RBP7: variants seen among roughly 807,000 people sequenced by gnomAD.
RBP7 encodes the protein retinoid-binding protein 7.
A neutral mutation model predicts 16.7 loss-of-function variants in RBP7; 13 were observed. That is an observed-to-expected ratio of 0.78 (90% confidence interval 0.51 to 1.24). The LOEUF (loss-of-function observed/expected upper bound fraction) is 1.24, where lower values mean the gene tolerates loss of function less well. Among genes scored for constraint, RBP7 ranks in the 50% most tolerant of loss-of-function variants. The probability of loss-of-function intolerance (pLI) is 0.00; values close to 1 mark genes in which losing one functional copy is unlikely to be tolerated. For missense variants in RBP7, 145 were observed against 159.5 expected, an observed-to-expected ratio of 0.91 and a Z score of 0.49; for synonymous variants, 54 against 56.2, an observed-to-expected ratio of 0.96 and a Z score of 0.17.
At chr1:10,008,891 T>G (rs1421988707) in intron 3 of RBP7, among the ~76,000 whole-genome samples, 1 of 152,196 alleles carries the variant, frequency 6.6e-6, no homozygotes, top group Non-Finnish European at 1.5e-5. Flanking sequence ...ACCTATTATA[T>G]GTAATAGCTA....
chr1:9,997,309 C>T lies in RBP7; in HGVS notation c.51C>T (p.Phe17=). 1.9e-6 allele frequency: 3 copies of T among 1,611,460 alleles called. No homozygotes were observed. The highest frequency in any genetic ancestry group is 2.5e-6 in the Non-Finnish European group (3 of 1,179,134). The stretch of plus-strand genomic sequence containing the variant: ...GGACCCTGCTCAGCAGCGACAACTT[C>T]GAGGGCTACATGCTGGCCCTAGGTA... ...GTWTLLSSDN[F]EGYMLALGID... Residue 17 remains phenylalanine, a synonymous_variant, in exon 1 of 4, where the codon TTC becomes TTT. Transcript: ENST00000294435. This position sits in a 1 kb window ranked among gnomAD's most constrained non-coding sequence, Gnocchi z 5.9.
chr1:10,012,618 C>A (rs1483179739), intron 3 of RBP7, among the ~76,000 whole-genome samples: 1 of 139,268 alleles, frequency 7.2e-6, no homozygotes, highest in Non-Finnish European at 1.5e-5. Flanking sequence ...GTAGGACTAG[C>A]CTGTCTTTAA....
chr1:10,015,736 C>T, intron 3 of RBP7, 46 bp from the exon 4 acceptor site: 1 of 1,521,216 alleles, frequency 6.6e-7, no homozygotes, highest in Non-Finnish European at 9.1e-7. Flanking sequence ...AAAAACAGAC[C>T]ACATGCAAAC....
Position 10,015,987 on chromosome 1 carries a change from A to G in RBP7, c.*155A>G. The G allele has an allele frequency of 1.6e-6, 1 of 636,428 alleles. No homozygotes were observed. Among genetic ancestry groups the G allele is most frequent in the Non-Finnish European group, 2.8e-6 (1 of 359,236 alleles). The allele number at this position is 636,428 out of a possible 1,614,324, so 39.4% of individuals were successfully genotyped here. On this transcript the variant is annotated 3_prime_UTR_variant, in exon 4 of 4. Transcript: ENST00000294435. ...ACCTGAAGTCATCTAGATTATGGGG[A>G]AACTGCTCAGCTTCAATAAACCTGT...
chr1:10,007,903 A>AG (rs926736062), intron 2 of RBP7, among the ~76,000 whole-genome samples, 155 bp downstream of exon 2: 3 of 151,884 alleles, frequency 2.0e-5, no homozygotes, highest in African/African-American at 4.8e-5. Flanking sequence ...TTCAAAAAGT[A>AG]GGGGGGCGTG....
At chr1:10,009,141 G>A (rs1246496183) in intron 3 of RBP7, among the ~76,000 whole-genome samples, 1 of 152,160 alleles carries the variant, frequency 6.6e-6, no homozygotes, top group Non-Finnish European at 1.5e-5. Flanking sequence ...ACTGGGCGAG[G>A]TGGCTCACGC....
At chr1:10,005,984 G>C (rs1164606682) in intron 1 of RBP7, among the ~76,000 whole-genome samples, 1 of 152,162 alleles carries the variant, frequency 6.6e-6, no homozygotes, top group Admixed American at 6.6e-5. Context: ...GAGTCCCAGG[G>C]CTCCCTGGAT....
chr1:10,009,229 G>C (rs1642537140), intron 3 of RBP7, among the ~76,000 whole-genome samples: 1 of 151,954 alleles, frequency 6.6e-6, no homozygotes, highest in Admixed American at 6.6e-5. Flanking sequence ...GGCCAACATG[G>C]TGAAACCCCG....
intron 1 of RBP7, chr1:10,007,126 A>G: frequency 3.1e-6 from 1 of 325,490 alleles, no homozygotes; most frequent in Non-Finnish European, 6.0e-6. Context: ...TTGTATTTTT[A>G]GTAGAGATGG....
intron 1 of RBP7, among the ~76,000 whole-genome samples, chr1:9,999,854 A>G (rs1177510773): frequency 2.5e-5 from 3 of 120,126 alleles, no homozygotes; most frequent in Admixed American, 2.2e-4. Context: ...GTCTGGCTCT[A>G]TTGCCTAGGC....
In RBP7 at chr1:9,997,306, C is replaced by A; in HGVS notation, c.48C>A (p.Asn16Lys). ...CTTGGACCCTGCTCAGCAGCGACAACTTCGAGGGCTACATGCTGGCCCTAG... is the reference window on the plus strand; with the variant it reads ...CTTGGACCCTGCTCAGCAGCGACAAATTCGAGGGCTACATGCTGGCCCTAG... ...SGTWTLLSSD[N>K]FEGYMLALGI... The change falls in exon 1 of 4, where the codon AAC becomes AAA. Residue 16 changes from asparagine to lysine, a missense_variant. Transcript: ENST00000294435. This position sits in a 1 kb window ranked among gnomAD's most constrained non-coding sequence, Gnocchi z 5.9. 1.2e-6 allele frequency: 2 copies of A among 1,611,552 alleles called. No individual in the cohort carries two copies. The highest frequency in any genetic ancestry group is 1.7e-6 in the Non-Finnish European group (2 of 1,179,184).
chr1:10,015,993 C>A lies in RBP7; in HGVS notation c.*161C>A. 1 of 624,930 alleles carries A rather than the reference C, an allele frequency of 1.6e-6. No individual in the cohort carries two copies. The highest frequency in any genetic ancestry group is 2.8e-6 in the Non-Finnish European group (1 of 351,824). The allele number at this position is 624,930 out of a possible 1,614,324, so 38.7% of individuals were successfully genotyped here. ...AGTCATCTAGATTATGGGGAAACTG[C>A]TCAGCTTCAATAAACCTGTCCAAAT... On this transcript the variant is annotated 3_prime_UTR_variant, in exon 4 of 4. Transcript: ENST00000294435.
intron 1 of RBP7, among the ~76,000 whole-genome samples, chr1:9,999,453 T>G (rs1386165263): frequency 6.6e-6 from 1 of 152,104 alleles, no homozygotes; most frequent in Non-Finnish European, 1.5e-5. Context: ...TTTGGGAGGC[T>G]GAGGCAGGAG....
rs760590962 is a variant in RBP7 at position 10,005,078 on chromosome 1, T to C, written c.74-2492T>C. On this transcript the variant is annotated intron_variant, in intron 1 of 3. Coordinates refer to ENST00000294435, the MANE Select transcript of RBP7 (RefSeq NM_052960.3). ...AATATTGTTGAAAACCAGTAAAGCC[T>C]GGATCATATTGCATCTCAAACTAAA... Among the ~76,000 whole-genome samples, 8 of 152,190 alleles carry C rather than the reference T, an allele frequency of 5.3e-5. 1 individual carries two copies. Among genetic ancestry groups the C allele is most frequent in the Non-Finnish European group, 1.0e-4 (7 of 68,034 alleles).
At position 9,997,939 on chromosome 1, in the gene RBP7, C is replaced by T. The variant is rs747846261; in HGVS notation, c.73+608C>T. 8.3e-4 allele frequency among the ~76,000 whole-genome samples: 127 copies of T among 152,170 alleles called. No individual in the cohort carries two copies. The highest frequency in any genetic ancestry group is 3.4e-3 in the Middle Eastern group (1 of 292). On this transcript the variant is annotated intron_variant, in intron 1 of 3. Coordinates refer to ENST00000294435, the MANE Select transcript of RBP7 (RefSeq NM_052960.3). This position sits in a 1 kb window ranked among gnomAD's most constrained non-coding sequence, Gnocchi z 5.9. The stretch of plus-strand genomic sequence containing the variant: ...CGGGAGTGCAGAGCCTGGTTCGGCC[C>T]GGGGCGTGCCCCGACCGCCGCCTCC...
chr1:10,005,569 T>G (rs3125086), intron 1 of RBP7, among the ~76,000 whole-genome samples: 50,557 of 144,026 alleles, frequency 0.35, 12,810 homozygotes, highest in African/African-American at 0.72. Context: ...GTTGTTTGGG[T>G]TTTTTTTTTT....
chr1:10,002,564 A>G (rs1370193262), intron 1 of RBP7, among the ~76,000 whole-genome samples: 2 of 151,984 alleles, frequency 1.3e-5, no homozygotes, highest in Non-Finnish European at 2.9e-5. Flanking sequence ...TAGTGGCACC[A>G]TCTTGGCTCA....
intron 3 of RBP7, among the ~76,000 whole-genome samples, chr1:10,014,862 GA>G (rs1642735717): frequency 6.6e-6 from 1 of 152,196 alleles, no homozygotes; most frequent in Non-Finnish European, 1.5e-5. Flanking sequence ...ACAGGTGTCT[GA>G]AGCTGGGGGG....
chr1:10,001,991 G>A (rs567629092), intron 1 of RBP7, among the ~76,000 whole-genome samples: 4 of 151,938 alleles, frequency 2.6e-5, no homozygotes, highest in Non-Finnish European at 5.9e-5. Flanking sequence ...CCCACACCCC[G>A]TTAATTTTAT....
Sources: allele counts gnomAD v4.1 joint callset (sites outside exome capture counted in the v4.1 genomes callset), GRCh38; gene constraint gnomAD v4.1.1; non-coding constraint Gnocchi (gnomAD v3.1); transcripts MANE v1.5; gene names NCBI Gene and HGNC (gene_info 2026-07-23, HGNC 2026-07-21).